Variants in CHDH observed in about 807,000 individuals in gnomAD.
The protein encoded by CHDH is choline dehydrogenase.
Under a neutral mutation model 56.9 loss-of-function variants are expected in CHDH, and 43 were observed. The observed-to-expected ratio is 0.76, with a 90% CI of 0.59 to 0.97. CHDH has a LOEUF of 0.97. Ranked by LOEUF, CHDH falls within the 50% of genes least tolerant of loss-of-function variation. The probability of loss-of-function intolerance (pLI) is 0.00; values close to 1 mark genes in which losing one functional copy is unlikely to be tolerated. For missense variants in CHDH, 816 were observed against 821.1 expected, an observed-to-expected ratio of 0.99 and a Z score of 0.08; for synonymous variants, 364 against 348.5, an observed-to-expected ratio of 1.04 and a Z score of -0.50.
rs1056174840 is a variant in CHDH, at chr3:53,823,818, G to A, written c.191C>T (p.Ala64Val). The A allele has an allele frequency of 3.2e-6, 5 of 1,586,162 alleles. No individual in the cohort carries two copies. The highest frequency in any genetic ancestry group is 2.3e-5 in the East Asian group (1 of 43,476). Residue 64 changes from alanine to valine, a missense_variant, in exon 3 of 9, where the codon GCC becomes GTC. By Grantham distance (64) the Ala-to-Val change is moderately conservative. Coordinates refer to ENST00000315251, the MANE Select transcript of CHDH (RefSeq NM_018397.5). ...GGCCTCCAGCAGCAGCACGCGCTCG[G>A]CGGGGTCCTCCGTGAGCCTCCCAGC... Reference protein sequence around the residue: ...VLAGRLTEDPAERVLLLEAGP... With the variant: ...VLAGRLTEDPVERVLLLEAGP...
At chr3:53,822,682 T>C in intron 3 of CHDH, 40 bp from the exon 4 acceptor site, 2 of 1,584,328 alleles carry the variant, frequency 1.3e-6, no homozygotes, top group South Asian at 2.2e-5. Flanking sequence ...GGCTCCGCCC[T>C]CCCCTGGCAC....
Position 53,821,599 on chromosome 3 carries a change from T to C in CHDH, c.985+48A>G, listed in dbSNP as rs1576780285. ...TAATAAGATACATACACTAAGCCTT[T>C]TGTTGAGCAGAGACAGCCTCTGGGG... On this transcript the variant is annotated intron_variant, in intron 5 of 8. Transcript: ENST00000315251. 5 of 1,571,876 alleles carry C rather than the reference T, an allele frequency of 3.2e-6. No individual in the cohort carries two copies. The African/African-American group carries it at 5.4e-5, about 17-fold the overall frequency.
In CHDH at chr3:53,827,560, G is replaced by T. The variant is rs562464240; in HGVS notation, c.-59-3493C>A. Among the ~76,000 whole-genome samples the T allele has an allele frequency of 5.3e-5, 8 of 152,268 alleles. No individual in the cohort carries two copies. The South Asian group carries it at 1.2e-3, about 24-fold the overall frequency. ...CCTGTAGTCCTAGCTTGAGGCTGCA[G>T]AGAGGTATGATTGAGCCACTGCACT... On this transcript the variant is annotated intron_variant, in intron 2 of 8. Coordinates refer to ENST00000315251, the MANE Select transcript of CHDH (RefSeq NM_018397.5).
chr3:53,824,367 AG>A (rs2095635038), intron 2 of CHDH, among the ~76,000 whole-genome samples: 1 of 152,326 alleles, frequency 6.6e-6, no homozygotes, highest in South Asian at 2.1e-4. Context: ...GCTGGAAGGC[AG>A]GGGGGCAAAG....
At chr3:53,832,375 CA>C (rs1429966516) in intron 2 of CHDH, among the ~76,000 whole-genome samples, 10 of 151,850 alleles carry the variant, frequency 6.6e-5, no homozygotes, top group African/African-American at 2.2e-4. Flanking sequence ...ACTAAAAATA[CA>C]AAAAAATTAG....
Position 53,818,073 on chromosome 3 carries a change from CTT to C in CHDH, c.1487_1488del (p.Lys496ArgfsTer21). The C allele has an allele frequency of 3.7e-6, 6 of 1,614,226 alleles. No individual in the cohort carries two copies. Among genetic ancestry groups the C allele is most frequent in the Non-Finnish European group, 5.1e-6 (6 of 1,180,044 alleles). ...LQPGSHIQSD[K>X]EIDAFVRAKA... is the part of the protein sequence containing the mutation. The stretch of plus-strand genomic sequence containing the variant: ...TTTGCCCGCACAAAGGCATCTATCT[CTT>C]TATCTGACTGAATGTGGCTTCCTGG... On this transcript the variant is annotated frameshift_variant, in exon 9 of 9. Transcript: ENST00000315251. LOFTEE classifies it high-confidence loss of function.
chr3:53,823,894 CCCGGCTCTCAGAG>C lies in CHDH; in HGVS notation c.102_114del (p.Ser35ThrfsTer179). ...CCCACCACCACATAGCTGTACTCGTCCCGGCTCTCAGAGCCTGCGCTGGCCAGGGCCCGGGCAC... is the reference window on the plus strand; with the variant it reads ...CCCACCACCACATAGCTGTACTCGTCCCTGCGCTGGCCAGGGCCCGGGCAC... On this transcript the variant is annotated frameshift_variant, in exon 3 of 9. Coordinates refer to ENST00000315251, the MANE Select transcript of CHDH (RefSeq NM_018397.5). LOFTEE classifies it high-confidence loss of function. The C allele has an allele frequency of 1.3e-6, 2 of 1,581,414 alleles. No homozygotes were observed. Among genetic ancestry groups the C allele is most frequent in the Non-Finnish European group, 8.5e-7 (1 of 1,172,498 alleles).
Position 53,817,720 on chromosome 3 carries a change from G to A in CHDH, c.*57C>T. 6.8e-7 allele frequency: 1 copy of A among 1,464,760 alleles called. No homozygotes were observed. Among genetic ancestry groups the A allele is most frequent in the Non-Finnish European group, 9.2e-7 (1 of 1,081,692 alleles). The allele number at this position is 1,464,760 out of a possible 1,614,324, so 90.7% of individuals were successfully genotyped here. ...GCAGGAGCCTGGGAGCAAGGGCTGT[G>A]CTGGCCCTCTTGGCTTATCAGGGGG... On this transcript the variant is annotated 3_prime_UTR_variant, in exon 9 of 9. Coordinates refer to ENST00000315251, the MANE Select transcript of CHDH (RefSeq NM_018397.5).
rs1258915876 is a variant in CHDH at position 53,819,257 on chromosome 3, A to G, written c.1264-217T>C. On this transcript the variant is annotated intron_variant, in intron 7 of 8. Transcript: ENST00000315251. The surrounding 1 kb of genome is among the most constrained non-coding windows in gnomAD (Gnocchi z 5.4). ...TCCTGGCCTCATACTCCATGGCTCA[A>G]AGCTTTCAGAGGTGGTGATCCCAGA... is the stretch of plus-strand genomic sequence containing the variant. Among the ~76,000 whole-genome samples, 1 of 152,130 alleles carries G rather than the reference A, an allele frequency of 6.6e-6. No individual in the cohort carries two copies. Among genetic ancestry groups the G allele is most frequent in the African/African-American group, 2.4e-5 (1 of 41,422 alleles).
At chr3:53,845,181 G>C (rs1427434363) in intron 1 of CHDH, among the ~76,000 whole-genome samples, 2 of 152,118 alleles carry the variant, frequency 1.3e-5, no homozygotes, top group Non-Finnish European at 1.5e-5. Context: ...TCCTTGGTCA[G>C]GAAACAGAGC....
At chr3:53,844,183 C>A (rs1698775715) in intron 1 of CHDH, among the ~76,000 whole-genome samples, 1 of 152,222 alleles carries the variant, frequency 6.6e-6, no homozygotes, top group South Asian at 2.1e-4. Context: ...GAACCCAGAA[C>A]AGCAGGAAAG....
Position 53,822,582 on chromosome 3 carries a change from T to C in CHDH, c.764A>G (p.Lys255Arg), listed in dbSNP as rs375774215. Residue 255 changes from lysine (K) to arginine (R), a missense_variant, in exon 4 of 9, where the codon AAG (lysine) becomes AGG (arginine). Physicochemically the swap from Lys to Arg is conservative, Grantham distance 26. Coordinates refer to ENST00000315251, the MANE Select transcript of CHDH (RefSeq NM_018397.5). ...LHPALSRTNL[K>R]AEAETLVSRV... ...GCTCACAAGCGTCTCGGCCTCGGCC[T>C]TGAGGTTGGTGCGGCTCAGTGCTGG... 8.1e-6 allele frequency: 13 copies of C among 1,612,870 alleles called. No individual in the cohort carries two copies. The highest frequency in any genetic ancestry group is 1.0e-5 in the Non-Finnish European group (12 of 1,180,002).
At position 53,812,526 on chromosome 3, in the gene CHDH, C is replaced by T. The variant is rs1187958855; in HGVS notation, c.*5251G>A. On this transcript the variant is annotated 3_prime_UTR_variant, in exon 9 of 9. Coordinates refer to ENST00000315251, the MANE Select transcript of CHDH (RefSeq NM_018397.5). ...AGAGTTCCATGATTTTGATACTGTA[C>T]CTTTGGATCCACCATGGGTTGCAAC... 1.3e-5 allele frequency: 2 copies of T among 152,120 alleles called. No individual in the cohort carries two copies. The highest frequency in any genetic ancestry group is 2.4e-5 in the African/African-American group (1 of 41,392). The allele number at this position is 152,120 out of a possible 1,614,324, so 9.4% of individuals were successfully genotyped here. A position where few individuals can be genotyped will look rare whatever the true frequency, so the allele number is the denominator to read the frequency against.
At chr3:53,822,380 G>C in intron 4 of CHDH, 111 bp downstream of exon 4, 1 of 1,026,048 alleles carries the variant, frequency 9.7e-7, no homozygotes. Flanking sequence ...CCATCACAGG[G>C]ATGAGCACGT....
intron 2 of CHDH, among the ~76,000 whole-genome samples, chr3:53,833,486 G>C (rs1451190561): frequency 1.3e-5 from 2 of 152,212 alleles, no homozygotes; most frequent in Non-Finnish European, 2.9e-5. Flanking sequence ...GAGTTCCAGG[G>C]AAGCAGCCCC....
At chr3:53,831,686 TCAA>T (rs1215464981) in intron 2 of CHDH, among the ~76,000 whole-genome samples, 1 of 152,032 alleles carries the variant, frequency 6.6e-6, no homozygotes, top group Non-Finnish European at 1.5e-5. Context: ...AAACTATAAC[TCAA>T]CAACAAACAA....
rs2095615376 is a variant in CHDH, at chr3:53,816,132, C to T, written c.*1645G>A. 1 of 28,854 alleles carries T rather than the reference C, an allele frequency of 3.5e-5. No homozygotes were observed. Among genetic ancestry groups the T allele is most frequent in the African/African-American group, 1.3e-4 (1 of 7,860 alleles). The allele number at this position is 28,854 out of a possible 1,614,324, so 1.8% of individuals were successfully genotyped here. On this transcript the variant is annotated 3_prime_UTR_variant, in exon 9 of 9. Coordinates refer to ENST00000315251, the MANE Select transcript of CHDH (RefSeq NM_018397.5). ...AGAAAACTAACTTGTGGCTGTCGGA[C>T]GCCCCCCCCCCCCGCCCCAGTCTGT...
chr3:53,820,512 T>C lies in CHDH; in HGVS notation c.1082A>G (p.Lys361Arg), dbSNP rs758393781. 1 of 1,613,912 alleles carries C rather than the reference T, an allele frequency of 6.2e-7. No homozygotes were observed. Among genetic ancestry groups the C allele is most frequent in the African/African-American group, 1.3e-5 (1 of 74,924 alleles). ...TLHSAQKPLRKVCIGLEWLWK... is the reference protein window; with the variant it reads ...TLHSAQKPLRRVCIGLEWLWK... ...GAGCCACTCCAGACCAATGCAGACC[T>C]TCCGCAGGGGCTTCTGTGCTGAATG... The change falls in exon 6 of 9, where the codon AAG becomes AGG. Residue 361 changes from lysine to arginine, a missense_variant. Lys to Arg is a conservative substitution (Grantham distance 26). Coordinates refer to ENST00000315251, the MANE Select transcript of CHDH (RefSeq NM_018397.5).
rs2095609882 is a variant in CHDH, at chr3:53,813,530, T to A, written c.*4247A>T. ...ACTGTCAACATTATCCTGGACTCTG[T>A]GTCTCTCTCTGTTGGGTCTTGTGGC... On this transcript the variant is annotated 3_prime_UTR_variant, in exon 9 of 9. Transcript: ENST00000315251. The A allele has an allele frequency of 6.6e-6, 1 of 152,262 alleles. No homozygotes were observed. Among genetic ancestry groups the A allele is most frequent in the African/African-American group, 2.4e-5 (1 of 41,466 alleles). The allele number at this position is 152,262 out of a possible 1,614,324, so 9.4% of individuals were successfully genotyped here. A position where few individuals can be genotyped will look rare whatever the true frequency, so the allele number is the denominator to read the frequency against.
Sources: gnomAD v4.1 joint callset for allele counts (sites outside exome capture counted in the v4.1 genomes callset) on GRCh38, gnomAD v4.1.1 for gene constraint, Gnocchi (gnomAD v3.1) non-coding constraint, MANE v1.5 for transcripts, NCBI Gene and HGNC (gene_info 2026-07-23, HGNC 2026-07-21) for gene names.